RFX7: variants seen among roughly 807,000 people sequenced by gnomAD.
RFX7 encodes regulatory factor X7, also known as DNA-binding protein RFX7.
RFX7 carries 26 observed loss-of-function variants against 111.8 expected under a neutral mutation model. That is an observed-to-expected ratio of 0.23 (90% CI 0.17 to 0.32). RFX7 has a LOEUF of 0.32. Ranked by LOEUF, RFX7 falls within the 10% of genes least tolerant of loss-of-function variation. The probability of loss-of-function intolerance (pLI) is 1.00; values close to 1 mark genes in which losing one functional copy is unlikely to be tolerated. For synonymous variants in RFX7, 624 were observed against 624.4 expected, an observed-to-expected ratio of 1.00 and a Z score of 0.01; for missense variants, 1,573 against 1,772.9, an observed-to-expected ratio of 0.89 and a Z score of 2.02.
chr15:56,118,444 G>A (rs1187039184), intron 5 of RFX7, among the ~76,000 whole-genome samples: 2 of 152,160 alleles, frequency 1.3e-5, no homozygotes, highest in African/African-American at 2.4e-5. Flanking sequence ...AACATATGAT[G>A]TTTGTGTTCC....
chr15:56,201,989 T>C, intron 2 of RFX7, among the ~76,000 whole-genome samples: 1 of 151,984 alleles, frequency 6.6e-6, no homozygotes, highest in East Asian at 1.9e-4. Flanking sequence ...TGAGATCGCG[T>C]CACTGCACTC....
intron 2 of RFX7, among the ~76,000 whole-genome samples, chr15:56,240,838 C>CA: frequency 6.6e-6 from 1 of 152,110 alleles, no homozygotes; most frequent in South Asian, 2.1e-4. Context: ...TATCTAACTG[C>CA]AATCATCTAT....
chr15:56,199,246 T>C (rs185188277), intron 2 of RFX7, among the ~76,000 whole-genome samples: 8 of 152,314 alleles, frequency 5.3e-5, no homozygotes, highest in Admixed American at 3.3e-4. Context: ...CACTGAGTGA[T>C]ACTGAAAGAA....
intron 8 of RFX7, 87 bp from the exon 9 acceptor site, chr15:56,098,463 T>C: frequency 2.2e-6 from 3 of 1,394,794 alleles, no homozygotes; most frequent in Non-Finnish European, 2.9e-6. Flanking sequence ...AATGTAGCCA[T>C]CTACTGGACA....
At chr15:56,225,659 C>A (rs2043474890) in intron 2 of RFX7, among the ~76,000 whole-genome samples, 1 of 152,136 alleles carries the variant, frequency 6.6e-6, no homozygotes, top group Non-Finnish European at 1.5e-5. Context: ...TCCTCTCTGC[C>A]TTCAACAGGT....
chr15:56,228,931 G>A (rs1385917673), intron 2 of RFX7, among the ~76,000 whole-genome samples: 1 of 152,034 alleles, frequency 6.6e-6, no homozygotes, highest in African/African-American at 2.4e-5. Flanking sequence ...ATGATTAATT[G>A]TAAGAACAAA....
intron 5 of RFX7, among the ~76,000 whole-genome samples, chr15:56,110,275 G>A (rs1464575730): frequency 1.3e-5 from 1 of 77,904 alleles, no homozygotes; most frequent in Non-Finnish European, 2.7e-5. Flanking sequence ...GTGGGGGGGG[G>A]TCAGCCCCCC....
At chr15:56,164,105 C>T (rs1477317233) in intron 3 of RFX7, among the ~76,000 whole-genome samples, 6 of 152,164 alleles carry the variant, frequency 3.9e-5, no homozygotes, top group South Asian at 4.1e-4. Flanking sequence ...TGCTGTCATG[C>T]GCAAACAAGG....
At chr15:56,121,933 AATTT>A (rs1393423043) in intron 5 of RFX7, among the ~76,000 whole-genome samples, 2 of 152,150 alleles carry the variant, frequency 1.3e-5, no homozygotes, top group Admixed American at 1.3e-4. Flanking sequence ...TGTTTTCTTG[AATTT>A]ATTTGAGCTC....
chr15:56,189,422 C>T (rs942205378), intron 2 of RFX7, among the ~76,000 whole-genome samples: 1 of 151,730 alleles, frequency 6.6e-6, no homozygotes, highest in Non-Finnish European at 1.5e-5. Context: ...TAAGAATAAA[C>T]TTCTATTCAC....
In RFX7 at chr15:56,108,675, T is replaced by C. The variant is rs538296946; in HGVS notation, c.402-5005A>G. 7.9e-5 allele frequency among the ~76,000 whole-genome samples: 12 copies of C among 152,230 alleles called. No homozygotes were observed. In the South Asian group the frequency reaches 1.2e-3, roughly 16 times the overall value. On this transcript the variant is annotated intron_variant, in intron 5 of 9. Coordinates refer to ENST00000559447, the MANE Select transcript of RFX7 (RefSeq NM_022841.7). ...GTACTCTTACCACTCCTATTCAACA[T>C]AGTACTGGAAGTTCTGGCCAGGGCA...
intron 2 of RFX7, among the ~76,000 whole-genome samples, chr15:56,188,696 C>T (rs2043067352): frequency 6.6e-6 from 1 of 152,136 alleles, no homozygotes; most frequent in African/African-American, 2.4e-5. Context: ...TAACTAGACA[C>T]ATCTGTAAAC....
chr15:56,097,772 T>A (rs77354046), intron 9 of RFX7, among the ~76,000 whole-genome samples: 219 of 49,846 alleles, frequency 4.4e-3, no homozygotes, highest in East Asian at 0.011. Flanking sequence ...AAAAAAAAAA[T>A]CTTGGCTCAG....
In RFX7 at chr15:56,096,056, C is replaced by T; in HGVS notation, c.1672G>A (p.Glu558Lys). The change falls in exon 10 of 10, where the codon GAG becomes AAG. Residue 558 changes from glutamate (E) to lysine (K), a missense_variant. Glu to Lys is a moderately conservative substitution (Grantham distance 56, BLOSUM62 1). This residue lies in a region of RFX7 where 625 missense variants were observed against 632.2 expected (regional missense o/e 0.99). Coordinates refer to ENST00000559447, the MANE Select transcript of RFX7 (RefSeq NM_022841.7). ...HPVQCQENSD[E>K]AKAPQTPSAL... ...CTAGGTGTCTGGGGAGCTTTAGCCTCATCAGAGTTCTCTTGGCACTGTACA... is the reference window on the plus strand; with the variant it reads ...CTAGGTGTCTGGGGAGCTTTAGCCTTATCAGAGTTCTCTTGGCACTGTACA... The T allele has an allele frequency of 1.2e-6, 2 of 1,613,410 alleles. No individual in the cohort carries two copies. Among genetic ancestry groups the T allele is most frequent in the Non-Finnish European group, 1.7e-6 (2 of 1,179,650 alleles).
At chr15:56,146,794 A>C (rs1361776206) in intron 3 of RFX7, among the ~76,000 whole-genome samples, 1 of 152,224 alleles carries the variant, frequency 6.6e-6, no homozygotes, top group African/African-American at 2.4e-5. Flanking sequence ...ATGGGGTACA[A>C]CACATAGAAG....
chr15:56,130,241 T>C (rs1249580313), intron 5 of RFX7, among the ~76,000 whole-genome samples: 2 of 152,134 alleles, frequency 1.3e-5, no homozygotes, highest in African/African-American at 4.8e-5. Flanking sequence ...CAATGTAATA[T>C]ACAGAGCTAC....
intron 2 of RFX7, among the ~76,000 whole-genome samples, chr15:56,208,630 T>C (rs1008048979): frequency 5.3e-5 from 8 of 152,130 alleles, no homozygotes; most frequent in African/African-American, 1.4e-4. Flanking sequence ...AAAATGATTA[T>C]GATTAAGATG....
At chr15:56,214,497 C>T (rs931120062) in intron 2 of RFX7, among the ~76,000 whole-genome samples, 12 of 151,832 alleles carry the variant, frequency 7.9e-5, no homozygotes, top group Non-Finnish European at 1.5e-4. Context: ...GGGCGGATCA[C>T]GAGGTCAGGA....
intron 5 of RFX7, among the ~76,000 whole-genome samples, chr15:56,127,044 T>C (rs1022263085): frequency 5.3e-5 from 8 of 152,056 alleles, no homozygotes; most frequent in Admixed American, 3.3e-4. Flanking sequence ...CAGCCAACAA[T>C]AGCACAAAAA....
Sources: allele counts gnomAD v4.1 joint callset (sites outside exome capture counted in the v4.1 genomes callset), GRCh38; gene constraint gnomAD v4.1.1; regional missense constraint gnomAD v4.1.1; transcripts MANE v1.5; gene names NCBI Gene and HGNC (gene_info 2026-07-23, HGNC 2026-07-21).